The following GRIN2A variants were observed in gnomAD, a reference collection of about 807,000 sequenced individuals.
The protein encoded by GRIN2A is glutamate receptor ionotropic, NMDA 2A.
GRIN2A carries 22 observed loss-of-function variants against 113.4 expected under a neutral mutation model. The observed-to-expected ratio is 0.19, with a 90% CI of 0.14 to 0.28. The LOEUF is 0.28. Among genes scored for constraint, GRIN2A ranks in the 10% least tolerant of loss-of-function variants. The pLI is 1.00. For missense variants in GRIN2A, 1,502 were observed against 1,887.0 expected, an observed-to-expected ratio of 0.80 and a Z score of 3.78; for synonymous variants, 827 against 738.4, an observed-to-expected ratio of 1.12 and a Z score of -1.94.
chr16:9,799,858 C>A (rs1199619014), intron 10 of GRIN2A, among the ~76,000 whole-genome samples: 1 of 152,064 alleles, frequency 6.6e-6, no homozygotes, highest in Non-Finnish European at 1.5e-5. Context: ...TCCTTGAAAT[C>A]ACCATGCAGT....
At chr16:10,014,441 G>A (rs76045266) in intron 2 of GRIN2A, among the ~76,000 whole-genome samples, 19 of 152,192 alleles carry the variant, frequency 1.2e-4, no homozygotes, top group Admixed American at 6.5e-4. Flanking sequence ...TAGAAAACTC[G>A]GGTCTTCATT....
intron 2 of GRIN2A, among the ~76,000 whole-genome samples, chr16:10,001,931 C>T (rs888591359): frequency 6.6e-6 from 1 of 152,198 alleles, no homozygotes; most frequent in East Asian, 1.9e-4. Context: ...ATAACACCTA[C>T]CTTTAATTAG....
chr16:10,131,125 C>A (rs2049052768), intron 2 of GRIN2A, among the ~76,000 whole-genome samples: 1 of 152,192 alleles, frequency 6.6e-6, no homozygotes, highest in Non-Finnish European at 1.5e-5. Context: ...GCGGCAGGGG[C>A]TGATCAAGAT....
intron 2 of GRIN2A, among the ~76,000 whole-genome samples, chr16:10,128,024 G>A (rs2048981957): frequency 6.6e-6 from 1 of 152,096 alleles, no homozygotes; most frequent in South Asian, 2.1e-4. Context: ...ACCCATATAA[G>A]AACTCAACAG....
intron 2 of GRIN2A, among the ~76,000 whole-genome samples, chr16:10,086,777 C>G (rs1530670): frequency 0.93 from 142,155 of 152,216 alleles, 67,151 homozygotes; most frequent in East Asian, 1. Context: ...AAGAGCAAGC[C>G]GCAGTGCTAG....
chr16:10,128,485 T>C (rs556058993), intron 2 of GRIN2A, among the ~76,000 whole-genome samples: 9 of 152,114 alleles, frequency 5.9e-5, no homozygotes, highest in Non-Finnish European at 1.0e-4. Context: ...TTACAGAATG[T>C]TGAGATTGGC....
intron 2 of GRIN2A, among the ~76,000 whole-genome samples, chr16:10,014,465 T>C (rs915456562): frequency 6.6e-6 from 1 of 152,208 alleles, no homozygotes; most frequent in African/African-American, 2.4e-5. Flanking sequence ...TCTACAAACA[T>C]GTCTTGAGTG....
At chr16:10,165,172 A>T (rs1170616605) in intron 2 of GRIN2A, among the ~76,000 whole-genome samples, 1 of 152,162 alleles carries the variant, frequency 6.6e-6, no homozygotes, top group Non-Finnish European at 1.5e-5. Flanking sequence ...TTATCAAGTA[A>T]ATCATGAGAT....
chr16:9,932,374 T>C (rs1224178165), intron 3 of GRIN2A, among the ~76,000 whole-genome samples: 1 of 152,146 alleles, frequency 6.6e-6, no homozygotes, highest in East Asian at 1.9e-4. Flanking sequence ...TTCATTTTTA[T>C]TTTATTTTAT....
intron 12 of GRIN2A, among the ~76,000 whole-genome samples, chr16:9,767,585 CA>C (rs570310074): frequency 2.2e-4 from 31 of 143,274 alleles, no homozygotes; most frequent in Middle Eastern, 3.5e-3. Flanking sequence ...CAAACAAAAA[CA>C]AAAAAAAACA....
rs147633801 is a variant in GRIN2A at position 10,129,670 on chromosome 16, G to C, written c.414+50328C>G. On this transcript the variant is annotated intron_variant, in intron 2 of 12. Transcript: ENST00000330684. ...GGGAAAAGAGAGCAGGATTTGGTCT[G>C]AGATATAAGCAGGAGATTATGGTGC... Among the ~76,000 whole-genome samples the C allele has an allele frequency of 5.3e-5, 8 of 152,326 alleles. No homozygotes were observed. The East Asian group carries it at 1.3e-3, about 26-fold the overall frequency.
chr16:9,793,549 G>A (rs1349564908), intron 11 of GRIN2A, among the ~76,000 whole-genome samples: 4 of 152,022 alleles, frequency 2.6e-5, no homozygotes, highest in South Asian at 4.1e-4. Flanking sequence ...AAGCAGAATC[G>A]AGGTACTCAA....
chr16:10,061,036 C>T (rs1263194544), intron 2 of GRIN2A, among the ~76,000 whole-genome samples: 1 of 152,204 alleles, frequency 6.6e-6, no homozygotes, highest in Non-Finnish European at 1.5e-5. Context: ...CCCAGCCTTC[C>T]TCCCTATCAG....
intron 10 of GRIN2A, among the ~76,000 whole-genome samples, chr16:9,810,017 G>A (rs1465109984): frequency 6.6e-6 from 1 of 152,062 alleles, no homozygotes; most frequent in Admixed American, 6.5e-5. Context: ...GCAGTGGGCC[G>A]AGATCGCGCC....
chr16:10,128,990 T>A (rs575915341), intron 2 of GRIN2A, among the ~76,000 whole-genome samples: 1 of 152,316 alleles, frequency 6.6e-6, no homozygotes, highest in South Asian at 2.1e-4. Context: ...TCTTATTTCA[T>A]CCCCGTAACC....
At chr16:10,012,060 G>T (rs1360955296) in intron 2 of GRIN2A, among the ~76,000 whole-genome samples, 1 of 151,730 alleles carries the variant, frequency 6.6e-6, no homozygotes, top group East Asian at 1.9e-4. Context: ...ACTTGGAAAT[G>T]ATTTTGGCTT....
At chr16:9,805,102 C>G (rs2041940677) in intron 10 of GRIN2A, among the ~76,000 whole-genome samples, 1 of 152,022 alleles carries the variant, frequency 6.6e-6, no homozygotes, top group African/African-American at 2.4e-5. Flanking sequence ...AAGTCCAATC[C>G]TAGCCCCAAG....
At chr16:9,800,704 G>GT (rs1903306629) in intron 10 of GRIN2A, among the ~76,000 whole-genome samples, 1 of 152,008 alleles carries the variant, frequency 6.6e-6, no homozygotes, top group Non-Finnish European at 1.5e-5. Flanking sequence ...CAGAGACTTG[G>GT]TTTTAGGCTC....
chr16:9,933,751 T>C (rs28552596), intron 3 of GRIN2A, among the ~76,000 whole-genome samples: 1,920 of 152,236 alleles, frequency 0.013, 45 homozygotes, highest in African/African-American at 0.044. Flanking sequence ...AAAACCTAAA[T>C]GTCCATCAAA....
Sources: allele counts gnomAD v4.1 joint callset (sites outside exome capture counted in the v4.1 genomes callset), GRCh38; gene constraint gnomAD v4.1.1; transcripts MANE v1.5; gene names NCBI Gene and HGNC (gene_info 2026-07-23, HGNC 2026-07-21).